The following GTF3C1 variants were observed in gnomAD, a reference collection of about 807,000 sequenced individuals.
The protein encoded by GTF3C1 is general transcription factor 3C polypeptide 1.
In GTF3C1, 57 loss-of-function variants were observed where a neutral mutation model predicts 226.7. That is an observed-to-expected ratio of 0.25 (90% CI 0.20 to 0.31). The LOEUF is 0.31. Ranked by LOEUF, GTF3C1 falls within the 10% of genes least tolerant of loss-of-function variation. The pLI, the probability that GTF3C1 is intolerant of heterozygous loss-of-function variation, is 1.00. For missense variants in GTF3C1, 2,217 were observed against 2,776.1 expected (o/e 0.80, Z 4.53); for synonymous variants, 1,090 against 1,084.8 (o/e 1.00, Z -0.09).
chr16:27,505,444 T>C (rs180987237), intron 10 of GTF3C1, among the ~76,000 whole-genome samples: 187 of 152,314 alleles, frequency 1.2e-3, no homozygotes, highest in Non-Finnish European at 1.2e-3. Flanking sequence ...CCTCTCCCTA[T>C]TGGATGCCAG....
Position 27,549,728 on chromosome 16 carries a change from G to T in GTF3C1, c.163C>A (p.Pro55Thr), listed in dbSNP as rs1311263645. The change falls in exon 1 of 37, where the codon CCG becomes ACG. Residue 55 changes from proline to threonine, a missense_variant. Physicochemically the swap from Pro to Thr is conservative, Grantham distance 38. This residue lies in a region of GTF3C1 where 192 missense variants were observed against 251.8 expected (regional missense o/e 0.76). Transcript: ENST00000356183. ...EFLWRALATH[P>T]GISFYEEPRE... is the part of the protein sequence containing the mutation. ...GGCTCCTCATAGAAGCTGATGCCCG[G>T]GTGCGTGGCGAGGGCCCGCCAGAGA... 6.2e-7 allele frequency: 1 copy of T among 1,611,276 alleles called. No homozygotes were observed. Among genetic ancestry groups the T allele is most frequent in the African/African-American group, 1.3e-5 (1 of 75,010 alleles).
chr16:27,538,163 C>A lies in GTF3C1; in HGVS notation c.608+17G>T. The A allele has an allele frequency of 6.6e-7, 1 of 1,512,040 alleles. No individual in the cohort carries two copies. The highest frequency in any genetic ancestry group is 8.9e-7 in the Non-Finnish European group (1 of 1,121,520). 93.7% of individuals were successfully genotyped at this position (1,512,040 alleles called of 1,614,324 possible). ...TGACATATAATTTAAAGCAGAGAAG[C>A]AAATCCCCCCACTTACTTGAAAGCA... is the stretch of plus-strand genomic sequence containing the variant. On this transcript the variant is annotated intron_variant, in intron 3 of 36. Coordinates refer to ENST00000356183, the MANE Select transcript of GTF3C1 (RefSeq NM_001520.4).
intron 1 of GTF3C1, 96 bp from the exon 2 acceptor site, chr16:27,545,619 G>C (rs1467367563): frequency 1.4e-6 from 1 of 718,352 alleles, no homozygotes; most frequent in Non-Finnish European, 2.5e-6. Context: ...AGAGATCAGA[G>C]AGAAGTGAGA....
At chr16:27,546,244 G>A (rs1240316235) in intron 1 of GTF3C1, among the ~76,000 whole-genome samples, 1 of 152,096 alleles carries the variant, frequency 6.6e-6, no homozygotes, top group African/African-American at 2.4e-5. Flanking sequence ...CCGCCTGCAT[G>A]TTAACAAGTC....
In GTF3C1 at chr16:27,484,394, C is replaced by A. The variant is rs529862330; in HGVS notation, c.3859-41G>T. ...AGCCAAGACAAAAAGTCAGTATCCT[C>A]AGAGACGACATCATGGGGAATTACC... On this transcript the variant is annotated intron_variant, in intron 24 of 36. Coordinates refer to ENST00000356183, the MANE Select transcript of GTF3C1 (RefSeq NM_001520.4). 3.4e-6 allele frequency: 5 copies of A among 1,453,084 alleles called. No individual in the cohort carries two copies. The East Asian group carries it at 9.2e-5, about 27-fold the overall frequency. The allele number at this position is 1,453,084 out of a possible 1,614,324, so 90.0% of individuals were successfully genotyped here.
intron 27 of GTF3C1, 50 bp from the exon 28 acceptor site, chr16:27,478,581 T>G: frequency 7.8e-7 from 1 of 1,279,750 alleles, no homozygotes; most frequent in Non-Finnish European, 1.1e-6. Context: ...AGCTCCTCAC[T>G]AAGCAAGCGG....
At chr16:27,534,416 G>A (rs1042599237) in intron 4 of GTF3C1, among the ~76,000 whole-genome samples, 3 of 152,020 alleles carry the variant, frequency 2.0e-5, no homozygotes, top group Non-Finnish European at 2.9e-5. Context: ...GAGAGCACAC[G>A]TATGGGATCC....
chr16:27,484,508 C>A (rs143553115), intron 24 of GTF3C1, among the ~76,000 whole-genome samples, 155 bp from the exon 25 acceptor site: 1 of 152,190 alleles, frequency 6.6e-6, no homozygotes, highest in Non-Finnish European at 1.5e-5. Flanking sequence ...CTGGGCCCAC[C>A]ATGTGCCAGA....
chr16:27,519,476 C>A (rs969212160), intron 6 of GTF3C1, among the ~76,000 whole-genome samples: 1 of 152,086 alleles, frequency 6.6e-6, no homozygotes, highest in Non-Finnish European at 1.5e-5. Flanking sequence ...GCTGGTTTTA[C>A]CTTTAGCCAG....
intron 1 of GTF3C1, among the ~76,000 whole-genome samples, chr16:27,547,962 T>C (rs527965930): frequency 9.8e-5 from 15 of 152,318 alleles, no homozygotes; most frequent in Non-Finnish European, 2.1e-4. Context: ...GGCTGGAATC[T>C]GAACTCAGAC....
At chr16:27,497,554 T>C in intron 14 of GTF3C1, 83 bp downstream of exon 14, 1 of 1,131,290 alleles carries the variant, frequency 8.8e-7, no homozygotes, top group Non-Finnish European at 1.3e-6. Flanking sequence ...GGAGCTCAAA[T>C]GGAGAGGACC....
chr16:27,487,708 G>C (rs1355844369), intron 23 of GTF3C1, among the ~76,000 whole-genome samples: 1 of 152,200 alleles, frequency 6.6e-6, no homozygotes, highest in Non-Finnish European at 1.5e-5. Flanking sequence ...CAGGAGAATT[G>C]CTTGAGCCCA....
In GTF3C1 at chr16:27,503,014, G is replaced by T; in HGVS notation, c.1771-19C>A. The T allele has an allele frequency of 6.2e-7, 1 of 1,606,614 alleles. No individual in the cohort carries two copies. Among genetic ancestry groups the T allele is most frequent in the Non-Finnish European group, 8.5e-7 (1 of 1,173,368 alleles). ...TACTCTCCTAGAACAGAGACCGAAAGCACAAGATGCAATGGGCTCGGCAAG... is the reference window on the plus strand; with the variant it reads ...TACTCTCCTAGAACAGAGACCGAAATCACAAGATGCAATGGGCTCGGCAAG... On this transcript the variant is annotated intron_variant, in intron 10 of 36. Transcript: ENST00000356183.
chr16:27,469,321 T>C lies in GTF3C1; in HGVS notation c.5044A>G (p.Thr1682Ala). Reference protein sequence around the residue: ...SCQMKFQLRCTPVPARLRPAA... With the variant: ...SCQMKFQLRCAPVPARLRPAA... ...GGCCTGAGCCGGGCGGGCACAGGGG[T>C]GCAGCGGAGCTGGAACTTCATCTGG... is the stretch of plus-strand genomic sequence containing the variant. Residue 1682 changes from threonine (T) to alanine (A), a missense_variant, in exon 32 of 37, where the codon ACC (threonine) becomes GCC (alanine). Thr to Ala is a moderately conservative substitution (Grantham distance 58). Coordinates refer to ENST00000356183, the MANE Select transcript of GTF3C1 (RefSeq NM_001520.4). This position sits in a 1 kb window ranked among gnomAD's most constrained non-coding sequence, Gnocchi z 4.5. The C allele has an allele frequency of 1.3e-6, 2 of 1,578,270 alleles. No individual in the cohort carries two copies. Among genetic ancestry groups the C allele is most frequent in the Non-Finnish European group, 1.7e-6 (2 of 1,161,482 alleles).
At chr16:27,485,860 T>C (rs2088130387) in intron 24 of GTF3C1, 137 bp downstream of exon 24, 2 of 576,770 alleles carry the variant, frequency 3.5e-6, no homozygotes, top group South Asian at 4.5e-5. Context: ...TGTGTAGGAT[T>C]CTGGGCAATG....
rs757527990 is a variant in GTF3C1 at position 27,471,239 on chromosome 16, G to A, written c.4526+509C>T. ...TCAGGGACTCTCTGCGTGTGGTCAG[G>A]AGGCTGGTGGTGCAACGCCCTCTGC... On this transcript the variant is annotated intron_variant, in intron 30 of 36. Coordinates refer to ENST00000356183, the MANE Select transcript of GTF3C1 (RefSeq NM_001520.4). The surrounding 1 kb of genome is among the most constrained non-coding windows in gnomAD (Gnocchi z 5.0). Among the ~76,000 whole-genome samples, 9 of 152,216 alleles carry A rather than the reference G, an allele frequency of 5.9e-5. No individual in the cohort carries two copies. The highest frequency in any genetic ancestry group is 7.3e-5 in the Non-Finnish European group (5 of 68,030).
At position 27,483,062 on chromosome 16, in the gene GTF3C1, A is replaced by G. The variant is rs1338049964; in HGVS notation, c.4065T>C (p.Gly1355=). ...GACCTACCTTTGGGTCATCATAGTC[A>G]CCTCTTCGATTCATGAAATCTCCAA... ...ALVGDFMNRR[G]DYDDPKVCAN... is the part of the protein sequence containing the mutation. The change falls in exon 26 of 37, where the codon GGT becomes GGC. Residue 1355 remains glycine, a synonymous_variant. Coordinates refer to ENST00000356183, the MANE Select transcript of GTF3C1 (RefSeq NM_001520.4). 6.2e-7 allele frequency: 1 copy of G among 1,614,082 alleles called. No homozygotes were observed. The highest frequency in any genetic ancestry group is 1.7e-5 in the Admixed American group (1 of 60,016).
intron 1 of GTF3C1, among the ~76,000 whole-genome samples, chr16:27,546,772 T>C (rs1041056438): frequency 2.6e-5 from 4 of 151,912 alleles, no homozygotes; most frequent in African/African-American, 9.7e-5. Flanking sequence ...AACCCTCCAT[T>C]CCTTTTTTTT....
chr16:27,540,302 C>T (rs1251291751), intron 2 of GTF3C1, among the ~76,000 whole-genome samples: 1 of 152,214 alleles, frequency 6.6e-6, no homozygotes, highest in African/African-American at 2.4e-5. Context: ...GAATACACGA[C>T]AGAAAGTCCA....
Sources: allele counts gnomAD v4.1 joint callset (sites outside exome capture counted in the v4.1 genomes callset), GRCh38; gene constraint gnomAD v4.1.1; regional missense constraint gnomAD v4.1.1; non-coding constraint Gnocchi (gnomAD v3.1); transcripts MANE v1.5; gene names NCBI Gene and HGNC (gene_info 2026-07-23, HGNC 2026-07-21).